Variants in TBCE observed in about 807,000 individuals in gnomAD.
TBCE encodes the protein tubulin-specific chaperone E.
In TBCE, 53 loss-of-function variants were observed where a neutral mutation model predicts 77.0. The observed-to-expected ratio is 0.69, with a 90% CI of 0.55 to 0.87. The LOEUF is 0.87. TBCE is among the 40% of genes least tolerant of loss of function. TBCE has a pLI of 0.00. For missense variants in TBCE, 624 were observed against 622.4 expected (o/e 1.00, Z -0.03); for synonymous variants, 235 against 241.3 (o/e 0.97, Z 0.24).
In TBCE at chr1:235,374,810, C is replaced by T. The variant is rs150771140; in HGVS notation, c.-31-5209C>T. Among the ~76,000 whole-genome samples, 211 of 143,526 alleles carry T rather than the reference C, an allele frequency of 1.5e-3. 35 individuals are homozygous for T. The highest frequency in any genetic ancestry group is 5.6e-3 in the African/African-American group (205 of 36,892). 94.2% of individuals were successfully genotyped at this position (143,526 alleles called of 152,430 possible). On this transcript the variant is annotated intron_variant, in intron 1 of 16. Coordinates refer to ENST00000642610, the MANE Select transcript of TBCE (RefSeq NM_003193.5). ...GCTACTGTGCCCAGCTGGCCTTCCA[C>T]ATTTAAATGTTGTCTGGGAAAGGGA... is the stretch of plus-strand genomic sequence containing the variant.
At chr1:235,404,802 C>A (rs765293828) in intron 3 of TBCE, among the ~76,000 whole-genome samples, 1 of 151,600 alleles carries the variant, frequency 6.6e-6, no homozygotes, top group Admixed American at 6.6e-5. Flanking sequence ...GCTGAGATTA[C>A]AGGCATGCGC....
At chr1:235,445,852 G>A (rs1558397043) in intron 15 of TBCE, among the ~76,000 whole-genome samples, 1 of 152,290 alleles carries the variant, frequency 6.6e-6, no homozygotes, top group East Asian at 1.9e-4. Context: ...CTAAGTACTT[G>A]CCAGCGGAGG....
chr1:235,428,832 C>T lies in TBCE; in HGVS notation c.560+1593C>T, dbSNP rs185645468. ...CTAATTTTTGTGTTTTTACTAGAGA[C>T]GGGGTTTCACTATGTTGGCTAGGAT... On this transcript the variant is annotated intron_variant, in intron 6 of 16. Transcript: ENST00000642610. Among the ~76,000 whole-genome samples, 867 of 151,072 alleles carry T rather than the reference C, an allele frequency of 5.7e-3. 3 individuals carry two copies. The highest frequency in any genetic ancestry group is 7.5e-3 in the Admixed American group (114 of 15,108).
At chr1:235,403,363 C>T (rs148365770) in intron 3 of TBCE, among the ~76,000 whole-genome samples, 92 of 152,288 alleles carry the variant, frequency 6.0e-4, no homozygotes, top group African/African-American at 1.9e-3. Flanking sequence ...AACGCTACCA[C>T]GTCTGGCCAA....
At chr1:235,434,174 G>A (rs754178593) in intron 7 of TBCE, 30 bp from the exon 8 acceptor site, 30 of 1,611,608 alleles carry the variant, frequency 1.9e-5, no homozygotes, top group Middle Eastern at 3.3e-4. Flanking sequence ...AGCAGAGGCC[G>A]CCTGAGCCTG....
intron 4 of TBCE, among the ~76,000 whole-genome samples, chr1:235,417,961 T>A (rs895607872): frequency 6.6e-6 from 1 of 152,120 alleles, no homozygotes; most frequent in Non-Finnish European, 1.5e-5. Context: ...TTATTTTTTT[T>A]AGTAGAGACA....
chr1:235,444,187 CTGAT>C (rs1465074774), intron 15 of TBCE, among the ~76,000 whole-genome samples: 7 of 152,194 alleles, frequency 4.6e-5, no homozygotes, highest in African/African-American at 1.7e-4. Context: ...AAGTACCTTT[CTGAT>C]TGATAACCAT....
rs185827181 is a variant in TBCE at position 235,394,540 on chromosome 1, C to T, written c.101-6963C>T. On this transcript the variant is annotated intron_variant, in intron 2 of 16. Transcript: ENST00000642610. ...TCTGCACCTGGGCTGAAGTGATTCT[C>T]TCACCTTAGCCTCCCAAGTTGCTGG... 8.3e-5 allele frequency among the ~76,000 whole-genome samples: 12 copies of T among 144,638 alleles called. No individual in the cohort carries two copies. The East Asian group carries it at 2.1e-3, about 26-fold the overall frequency. The allele number at this position is 144,638 out of a possible 152,430, so 94.9% of individuals were successfully genotyped here. A position where few individuals can be genotyped will look rare whatever the true frequency, so the allele number is the denominator to read the frequency against.
At chr1:235,418,163 A>T (rs1436120472) in intron 4 of TBCE, among the ~76,000 whole-genome samples, 2 of 152,068 alleles carry the variant, frequency 1.3e-5, no homozygotes, top group Non-Finnish European at 2.9e-5. Context: ...ATATGTCAGA[A>T]TTTCCTTCCT....
intron 1 of TBCE, among the ~76,000 whole-genome samples, chr1:235,378,706 G>A (rs770192362): frequency 6.6e-6 from 1 of 152,002 alleles, no homozygotes; most frequent in Non-Finnish European, 1.5e-5. Context: ...AATTAGCTGG[G>A]TATGGTGGCG....
At chr1:235,396,531 G>A (rs1244814939) in intron 2 of TBCE, among the ~76,000 whole-genome samples, 5 of 152,104 alleles carry the variant, frequency 3.3e-5, no homozygotes, top group African/African-American at 2.4e-5. Context: ...TGGAACATAT[G>A]GCAGTTCTAT....
At position 235,436,364 on chromosome 1, in the gene TBCE, A is replaced by G. The variant is rs367687496; in HGVS notation, c.834-22A>G. Reference sequence around the variant, plus strand: ...CATTTTACATTGTTCTGTGTAATCAAATTGTACATTTTGAATTTCAGGTTA... The same window carrying G: ...CATTTTACATTGTTCTGTGTAATCAGATTGTACATTTTGAATTTCAGGTTA... On this transcript the variant is annotated intron_variant, in intron 9 of 16. Coordinates refer to ENST00000642610, the MANE Select transcript of TBCE (RefSeq NM_003193.5). 16 of 1,608,368 alleles carry G rather than the reference A, an allele frequency of 9.9e-6. No homozygotes were observed. In the African/African-American group the frequency reaches 2.0e-4, roughly 20 times the overall value.
chr1:235,422,133 G>C (rs982603348), intron 5 of TBCE, among the ~76,000 whole-genome samples: 6 of 152,218 alleles, frequency 3.9e-5, no homozygotes, highest in Non-Finnish European at 7.3e-5. Flanking sequence ...AGTGGATGCA[G>C]AAAAGAGTTT....
At chr1:235,445,532 C>T (rs564249277) in intron 15 of TBCE, among the ~76,000 whole-genome samples, 25 of 152,028 alleles carry the variant, frequency 1.6e-4, no homozygotes, top group African/African-American at 6.0e-4. Flanking sequence ...GCTGCTTGGG[C>T]GGCTGAGGTG....
chr1:235,405,951 G>T (rs983877413), intron 3 of TBCE, among the ~76,000 whole-genome samples: 4 of 152,134 alleles, frequency 2.6e-5, no homozygotes, highest in African/African-American at 9.7e-5. Flanking sequence ...TGATCTACAC[G>T]TCATTATGTG....
At chr1:235,411,532 A>T (rs1302558182) in intron 3 of TBCE, among the ~76,000 whole-genome samples, 1 of 152,150 alleles carries the variant, frequency 6.6e-6, no homozygotes, top group Non-Finnish European at 1.5e-5. Flanking sequence ...GGGTTCTAGG[A>T]TCTTGCAAAG....
chr1:235,447,736 TGA>T (rs1324472464), intron 15 of TBCE, among the ~76,000 whole-genome samples: 1 of 152,204 alleles, frequency 6.6e-6, no homozygotes, highest in Non-Finnish European at 1.5e-5. Flanking sequence ...TCTTCTGTGC[TGA>T]GAGTATCATT....
At chr1:235,447,832 C>T (rs1345884527) in intron 15 of TBCE, among the ~76,000 whole-genome samples, 7 of 152,144 alleles carry the variant, frequency 4.6e-5, no homozygotes, top group African/African-American at 1.4e-4. Context: ...CCGTTGGCTC[C>T]GTTTCCCACA....
At position 235,452,350 on chromosome 1, in the gene TBCE, T is replaced by C. The variant is rs533393078; in HGVS notation, c.*3588T>C. ...GAGTTTTTTTGTAGGCAGGGGAACG[T>C]TGATTTATAACCTTTTGCTTTAAAC... On this transcript the variant is annotated 3_prime_UTR_variant, in exon 17 of 17. Transcript: ENST00000642610. 13 of 152,296 alleles carry C rather than the reference T, an allele frequency of 8.5e-5. No homozygotes were observed. Among genetic ancestry groups the C allele is most frequent in the Admixed American group, 3.3e-4 (5 of 15,294 alleles). The allele number at this position is 152,296 out of a possible 1,614,324, so 9.4% of individuals were successfully genotyped here.
Sources: allele counts gnomAD v4.1 joint callset (sites outside exome capture counted in the v4.1 genomes callset), GRCh38; gene constraint gnomAD v4.1.1; transcripts MANE v1.5; gene names NCBI Gene and HGNC (gene_info 2026-07-23, HGNC 2026-07-21).